AP1S1: variants seen among roughly 807,000 people sequenced by gnomAD.
The protein encoded by AP1S1 is adaptor related protein complex 1 subunit sigma 1, also known as AP-1 complex subunit sigma-1A.
Under a neutral mutation model 23.9 loss-of-function variants are expected in AP1S1, and 13 were observed. The observed-to-expected ratio is 0.54, with a 90% confidence interval of 0.35 to 0.86. AP1S1 has a LOEUF of 0.86. Among genes scored for constraint, AP1S1 ranks in the 40% least tolerant of loss-of-function variants. The pLI is 0.01. For synonymous variants in AP1S1, 84 were observed against 77.7 expected (o/e 1.08, Z -0.43); for missense variants, 119 against 197.6 (o/e 0.60, Z 2.38).
intron 1 of AP1S1, 32 bp from the exon 2 acceptor site, chr7:101,156,562 T>C: frequency 6.3e-7 from 1 of 1,592,040 alleles, no homozygotes; most frequent in Admixed American, 1.7e-5. Flanking sequence ...AATGTGTGGT[T>C]ACCCTCGGTT....
At chr7:101,154,884 C>G (rs6970512) in intron 1 of AP1S1, 660,903 of 920,754 alleles carry the variant, frequency 0.72, 242,099 homozygotes, top group Non-Finnish European at 0.75. Flanking sequence ...GCGGGGGTCA[C>G]CAGTCACCGA....
chr7:101,160,893 T>C lies in AP1S1; in HGVS notation c.*327T>C. 1.9e-6 allele frequency: 1 copy of C among 515,488 alleles called. No homozygotes were observed. Among genetic ancestry groups the C allele is most frequent in the Non-Finnish European group, 3.7e-6 (1 of 269,546 alleles). The allele number at this position is 515,488 out of a possible 1,614,324, so 31.9% of individuals were successfully genotyped here. ...CTTCCCTCCCTAATAACTGTAAATATATAAATATGTCAGGTTAAAGGGAAA... is the reference window on the plus strand; with the variant it reads ...CTTCCCTCCCTAATAACTGTAAATACATAAATATGTCAGGTTAAAGGGAAA... On this transcript the variant is annotated 3_prime_UTR_variant, in exon 5 of 5. Coordinates refer to ENST00000337619, the MANE Select transcript of AP1S1 (RefSeq NM_001283.5).
intron 4 of AP1S1, 85 bp downstream of exon 4, chr7:101,159,281 G>T (rs1411389377): frequency 3.9e-6 from 6 of 1,519,680 alleles, no homozygotes; most frequent in Non-Finnish European, 3.5e-6. Context: ...GGCCTGCCCT[G>T]CCCACCGTCG....
Position 101,160,875 on chromosome 7 carries a change from C to T in AP1S1, c.*309C>T, listed in dbSNP as rs750041411. 14 of 584,570 alleles carry T rather than the reference C, an allele frequency of 2.4e-5. No individual in the cohort carries two copies. The highest frequency in any genetic ancestry group is 4.5e-5 in the Non-Finnish European group (14 of 311,400). 36.2% of individuals were successfully genotyped at this position (584,570 alleles called of 1,614,324 possible). On this transcript the variant is annotated 3_prime_UTR_variant, in exon 5 of 5. Transcript: ENST00000337619. ...GATGTCACCCCAGATGTCCTTCCCT[C>T]CCTAATAACTGTAAATATATAAATA... is the stretch of plus-strand genomic sequence containing the variant.
At chr7:101,159,964 GCACACACACACACCCTGGCGCGCA>G (rs1336120514) in intron 4 of AP1S1, among the ~76,000 whole-genome samples, 1 of 142,884 alleles carries the variant, frequency 7.0e-6, no homozygotes, top group Non-Finnish European at 1.5e-5. Flanking sequence ...TCCCACACAC[GCACACACACACACCCTGGCGCGCA>G]CACACACACA....
chr7:101,154,638 C>T, intron 1 of AP1S1, 121 bp downstream of exon 1: 2 of 1,338,910 alleles, frequency 1.5e-6, no homozygotes, highest in Non-Finnish European at 2.0e-6. Context: ...TCAGAGGCCT[C>T]CCTTGCCTCG....
chr7:101,160,358 T>C (rs1384756870), intron 4 of AP1S1, among the ~76,000 whole-genome samples, 161 bp from the exon 5 acceptor site: 18 of 152,098 alleles, frequency 1.2e-4, no homozygotes, highest in Non-Finnish European at 1.5e-5. Flanking sequence ...GGGTGCCCCA[T>C]GAAGGGCTCA....
chr7:101,159,964 G>GCA (rs141729983), intron 4 of AP1S1, among the ~76,000 whole-genome samples: 79,715 of 142,668 alleles, frequency 0.56, 22,043 homozygotes, highest in Admixed American at 0.64. Context: ...TCCCACACAC[G>GCA]CACACACACA....
At chr7:101,160,150 C>T (rs1406285338) in intron 4 of AP1S1, among the ~76,000 whole-genome samples, 1 of 152,114 alleles carries the variant, frequency 6.6e-6, no homozygotes, top group Non-Finnish European at 1.5e-5. Flanking sequence ...AAACAGGACC[C>T]AGTCAGCTGT....
chr7:101,158,758 G>A (rs1797036011), intron 3 of AP1S1, among the ~76,000 whole-genome samples: 1 of 152,074 alleles, frequency 6.6e-6, no homozygotes, highest in African/African-American at 2.4e-5. Context: ...TAAAAATGAG[G>A]TGGGCGTGAT....
Position 101,154,476 on chromosome 7 carries a change from G to T in AP1S1, c.-39G>T. The stretch of plus-strand genomic sequence containing the variant: ...GAAAGGGAGTGGGACTGGCGCCTAC[G>T]GTGGCCGAAGTGGGACGCGCCGAGC... On this transcript the variant is annotated 5_prime_UTR_variant, in exon 1 of 5. Transcript: ENST00000337619. 6.4e-7 allele frequency: 1 copy of T among 1,568,024 alleles called. No individual in the cohort carries two copies. The highest frequency in any genetic ancestry group is 8.6e-7 in the Non-Finnish European group (1 of 1,157,186).
Position 101,160,876 on chromosome 7 carries a change from C to T in AP1S1, c.*310C>T, listed in dbSNP as rs1018688542. 61 of 581,216 alleles carry T rather than the reference C, an allele frequency of 1.0e-4. No homozygotes were observed. The Middle Eastern group carries it at 1.3e-3, about 13-fold the overall frequency. 36.0% of individuals were successfully genotyped at this position (581,216 alleles called of 1,614,324 possible). ...ATGTCACCCCAGATGTCCTTCCCTC[C>T]CTAATAACTGTAAATATATAAATAT... is the stretch of plus-strand genomic sequence containing the variant. On this transcript the variant is annotated 3_prime_UTR_variant, in exon 5 of 5. Coordinates refer to ENST00000337619, the MANE Select transcript of AP1S1 (RefSeq NM_001283.5).
In AP1S1 at chr7:101,160,914, G is replaced by A. The variant is rs1584207472; in HGVS notation, c.*348G>A. On this transcript the variant is annotated 3_prime_UTR_variant, in exon 5 of 5. Transcript: ENST00000337619. ...AATATATAAATATGTCAGGTTAAAG[G>A]GAAAAGGTGTTCAGGGCACTTCTTG... 3 of 453,170 alleles carry A rather than the reference G, an allele frequency of 6.6e-6. No homozygotes were observed. Among genetic ancestry groups the A allele is most frequent in the East Asian group, 5.5e-5 (1 of 18,082 alleles). The allele number at this position is 453,170 out of a possible 1,614,324, so 28.1% of individuals were successfully genotyped here. A position where few individuals can be genotyped will look rare whatever the true frequency, so the allele number is the denominator to read the frequency against.
chr7:101,155,413 A>G (rs1486096803), intron 1 of AP1S1, among the ~76,000 whole-genome samples: 2 of 152,166 alleles, frequency 1.3e-5, no homozygotes, highest in Admixed American at 6.6e-5. Flanking sequence ...TCTGTCTTCC[A>G]TCCCACTTGA....
chr7:101,159,214 T>A lies in AP1S1; in HGVS notation c.429+18T>A, dbSNP rs1562864788. The A allele has an allele frequency of 1.2e-6, 2 of 1,601,142 alleles. No individual in the cohort carries two copies. Among genetic ancestry groups the A allele is most frequent in the East Asian group, 4.5e-5 (2 of 44,408 alleles). ...TGCAAGAGGTACGGGCCAGGGACAG[T>A]GAGGAGGAGGAGGAAGCGCACAGTG... is the stretch of plus-strand genomic sequence containing the variant. On this transcript the variant is annotated intron_variant, in intron 4 of 4. Coordinates refer to ENST00000337619, the MANE Select transcript of AP1S1 (RefSeq NM_001283.5).
chr7:101,159,449 T>C (rs932453355), intron 4 of AP1S1: 6 of 497,792 alleles, frequency 1.2e-5, no homozygotes, highest in Non-Finnish European at 2.1e-5. Context: ...AGCCCCCAGA[T>C]GTCTCGTGGC....
chr7:101,154,504 G>T lies in AP1S1; in HGVS notation c.-11G>T. 6.4e-7 allele frequency: 1 copy of T among 1,573,890 alleles called. No individual in the cohort carries two copies. Among genetic ancestry groups the T allele is most frequent in the East Asian group, 2.3e-5 (1 of 42,990 alleles). On this transcript the variant is annotated 5_prime_UTR_variant, in exon 1 of 5. Coordinates refer to ENST00000337619, the MANE Select transcript of AP1S1 (RefSeq NM_001283.5). ...GGCCGAAGTGGGACGCGCCGAGCCG[G>T]AGGCTGCAGGATGGTAGGCTGTGCG...
chr7:101,154,799 G>A (rs1796964628), intron 1 of AP1S1: 1 of 784,996 alleles, frequency 1.3e-6, no homozygotes, highest in East Asian at 3.1e-5. Context: ...CTTGGCCCCT[G>A]GGGTCCCTCG....
chr7:101,159,986 G>GCGCA (rs1554366291), intron 4 of AP1S1, among the ~76,000 whole-genome samples: 38 of 144,394 alleles, frequency 2.6e-4, no homozygotes, highest in African/African-American at 9.2e-4. Flanking sequence ...ACCCTGGCGC[G>GCGCA]CACACACACA....
Sources: allele counts gnomAD v4.1 joint callset (sites outside exome capture counted in the v4.1 genomes callset), GRCh38; gene constraint gnomAD v4.1.1; transcripts MANE v1.5; gene names NCBI Gene and HGNC (gene_info 2026-07-23, HGNC 2026-07-21).